TSC2: variants seen among roughly 807,000 people sequenced by gnomAD.
The protein encoded by TSC2 is tuberin.
In TSC2, 29 loss-of-function variants were observed where a neutral mutation model predicts 202.2. That is an observed-to-expected ratio of 0.14 (90% CI 0.11 to 0.20). TSC2 has a LOEUF of 0.20. TSC2 is among the 10% of genes least tolerant of loss of function. TSC2 has a pLI of 1.00. For missense variants in TSC2, 2,429 were observed against 2,420.0 expected, an observed-to-expected ratio of 1.00 and a Z score of -0.08; for synonymous variants, 1,349 against 1,044.0, an observed-to-expected ratio of 1.29 and a Z score of -5.63.
chr16:2,079,083 C>T lies in TSC2; in HGVS notation c.3018C>T (p.Asn1006=), dbSNP rs45471697. 43 of 1,612,908 alleles carry T rather than the reference C, an allele frequency of 2.7e-5. No individual in the cohort carries two copies. Among genetic ancestry groups the T allele is most frequent in the Non-Finnish European group, 3.5e-5 (41 of 1,180,038 alleles). ...TSASLGSADE[N]SVAQADDSLK... is the part of the protein sequence containing the mutation. ...CCAGCTTGGGGTCTGCAGATGAGAA[C>T]TCCGTGGCCCAGGCTGACGATAGCC... is the stretch of plus-strand genomic sequence containing the variant. The change falls in exon 27 of 42, where the codon AAC becomes AAT. Residue 1006 remains asparagine, a synonymous_variant. Transcript: ENST00000219476. The surrounding 1 kb of genome is among the most constrained non-coding windows in gnomAD (Gnocchi z 4.6).
At chr16:2,061,303 G>A (rs1022166729) in intron 11 of TSC2, 3 of 288,802 alleles carry the variant, frequency 1.0e-5, no homozygotes, top group Middle Eastern at 1.2e-3. Context: ...TGGAGCCTGG[G>A]GCGGGTGATG....
At chr16:2,057,603 G>C (rs2086035559) in intron 9 of TSC2, among the ~76,000 whole-genome samples, 1 of 152,056 alleles carries the variant, frequency 6.6e-6, no homozygotes, top group East Asian at 1.9e-4. Flanking sequence ...TCCCCCTCCT[G>C]CTCTCCTGTA....
intron 3 of TSC2, among the ~76,000 whole-genome samples, chr16:2,052,457 G>T (rs1408258095): frequency 6.6e-6 from 1 of 152,112 alleles, no homozygotes; most frequent in African/African-American, 2.4e-5. Context: ...CTACAGGCAT[G>T]CAGCACCACG....
intron 9 of TSC2, among the ~76,000 whole-genome samples, chr16:2,057,719 G>A (rs1217199635): frequency 3.3e-5 from 5 of 152,228 alleles, no homozygotes; most frequent in South Asian, 2.1e-4. Flanking sequence ...GGTTCCCAGC[G>A]CCCTTGGGAT....
At chr16:2,065,064 A>C (rs1018684810) in intron 15 of TSC2, 24 of 187,440 alleles carry the variant, frequency 1.3e-4, no homozygotes, top group Non-Finnish European at 2.5e-4. Flanking sequence ...CAGTGAGCCA[A>C]GATTCTGCCA....
chr16:2,074,466 C>G, intron 22 of TSC2, 77 bp downstream of exon 22: 6 of 1,552,332 alleles, frequency 3.9e-6, no homozygotes, highest in Non-Finnish European at 5.2e-6. Flanking sequence ...CTGGTGCCCT[C>G]TCTCAGGACT....
chr16:2,079,447 C>T lies in TSC2; in HGVS notation c.3284+19C>T, dbSNP rs1391837432. On this transcript the variant is annotated intron_variant, in intron 28 of 41. Coordinates refer to ENST00000219476, the MANE Select transcript of TSC2 (RefSeq NM_000548.5). This position sits in a 1 kb window ranked among gnomAD's most constrained non-coding sequence, Gnocchi z 4.6. ...AGTCGAGGTGACTGCACCTTCCTTT[C>T]CTCCGCGCCTGCCAGCCTCGACACC... The T allele has an allele frequency of 1.4e-5, 22 of 1,610,104 alleles. No individual in the cohort carries two copies. The highest frequency in any genetic ancestry group is 4.5e-5 in the East Asian group (2 of 44,762).
chr16:2,050,489 A>G lies in TSC2; in HGVS notation c.225+3A>G, dbSNP rs1060500963. On this transcript the variant is annotated splice_donor_region_variant and intron_variant, in intron 3 of 41. Coordinates refer to ENST00000219476, the MANE Select transcript of TSC2 (RefSeq NM_000548.5). ...CAAAAACCAAGAAATTTGAAGAGGT[A>G]GGTTTATCCAGTTGAGCTACTAGAG... 6.2e-7 allele frequency: 1 copy of G among 1,611,346 alleles called. No individual in the cohort carries two copies. The highest frequency in any genetic ancestry group is 8.5e-7 in the Non-Finnish European group (1 of 1,178,328).
At chr16:2,085,602 T>G (rs751147160) in intron 36 of TSC2, among the ~76,000 whole-genome samples, 5 of 152,074 alleles carry the variant, frequency 3.3e-5, no homozygotes, top group Admixed American at 3.3e-4. Flanking sequence ...TGTTGGTCAG[T>G]GAGCTGACAG....
chr16:2,051,442 A>C (rs142132139), intron 3 of TSC2, among the ~76,000 whole-genome samples: 2 of 152,168 alleles, frequency 1.3e-5, no homozygotes, highest in Non-Finnish European at 2.9e-5. Context: ...GAACAATCCT[A>C]GGCACGCTGG....
At chr16:2,078,762 G>C in intron 26 of TSC2, 2 of 534,044 alleles carry the variant, frequency 3.7e-6, no homozygotes, top group Admixed American at 6.3e-5. Context: ...GTGCTCCCGT[G>C]GGCTTCGGTG....
rs2151357001 is a variant in TSC2, at chr16:2,074,397, C to T, written c.2545+8C>T. 1 of 1,608,918 alleles carries T rather than the reference C, an allele frequency of 6.2e-7. No individual in the cohort carries two copies. The highest frequency in any genetic ancestry group is 8.5e-7 in the Non-Finnish European group (1 of 1,180,000). On this transcript the variant is annotated splice_region_variant and intron_variant, in intron 22 of 41. Transcript: ENST00000219476. ...TGCTGGAGTTCCTGTCCAGTGAGTC[C>T]CCGCCCTGCCTGCGCATGCACCCGA...
In TSC2 at chr16:2,087,867, A is replaced by G. The variant is rs747018176; in HGVS notation, c.4994A>G (p.Gln1665Arg). 1 of 1,612,768 alleles carries G rather than the reference A, an allele frequency of 6.2e-7. No individual in the cohort carries two copies. Among genetic ancestry groups the G allele is most frequent in the Non-Finnish European group, 8.5e-7 (1 of 1,179,972 alleles). Residue 1665 changes from glutamine (Q) to arginine (R), a missense_variant, in exon 39 of 42, where the codon CAG becomes CGG. Gln to Arg is a conservative substitution (Grantham distance 43). Coordinates refer to ENST00000219476, the MANE Select transcript of TSC2 (RefSeq NM_000548.5). ...EDFKLGTIKG[Q>R]FNFVHVIVTP... ...CCCTTTCTCTTGTCCGGGCAGGGCC[A>G]GTTCAACTTTGTCCACGTGATCGTC...
At chr16:2,062,942 C>T (rs2151169729) in intron 13 of TSC2, 30 bp from the exon 14 acceptor site, 2 of 1,546,404 alleles carry the variant, frequency 1.3e-6, no homozygotes, top group Non-Finnish European at 1.7e-6. Flanking sequence ...GGGCACTCCC[C>T]ACCCGCCCCA....
In TSC2 at chr16:2,058,882, G is replaced by A. The variant is rs2151110428; in HGVS notation, c.975+9G>A. Reference sequence around the variant, plus strand: ...TGCCATCATTTTACCAGGTAAGGCGGTTTCTGTGTGCAGTGAGCTGGCAGG... The same window carrying A: ...TGCCATCATTTTACCAGGTAAGGCGATTTCTGTGTGCAGTGAGCTGGCAGG... On this transcript the variant is annotated intron_variant, in intron 10 of 41. Transcript: ENST00000219476. 2 of 1,606,054 alleles carry A rather than the reference G, an allele frequency of 1.2e-6. No homozygotes were observed. The highest frequency in any genetic ancestry group is 1.3e-5 in the African/African-American group (1 of 75,004).
chr16:2,066,886 T>A (rs2087456274), intron 16 of TSC2, among the ~76,000 whole-genome samples: 1 of 152,074 alleles, frequency 6.6e-6, no homozygotes, highest in Non-Finnish European at 1.5e-5. Context: ...GGTCTTGAAC[T>A]CCTGACCTCA....
chr16:2,069,455 T>C (rs1025250389), intron 16 of TSC2, among the ~76,000 whole-genome samples: 1 of 151,930 alleles, frequency 6.6e-6, no homozygotes, highest in African/African-American at 2.4e-5. Context: ...TAGCTGGGAT[T>C]TACAGGCATG....
chr16:2,077,764 G>A (rs761778701), intron 26 of TSC2, 38 bp downstream of exon 26: 16 of 1,608,208 alleles, frequency 9.9e-6, no homozygotes, highest in South Asian at 5.5e-5. Context: ...GGACCCTGGA[G>A]CTTGGCCCCG....
chr16:2,082,279 C>T (rs2090234908), intron 31 of TSC2, 157 bp from the exon 32 acceptor site: 1 of 814,298 alleles, frequency 1.2e-6, no homozygotes, highest in Admixed American at 1.8e-5. Context: ...TCAGGTCTGC[C>T]CAAGCAGCTT....
Sources: allele counts gnomAD v4.1 joint callset (sites outside exome capture counted in the v4.1 genomes callset), GRCh38; gene constraint gnomAD v4.1.1; non-coding constraint Gnocchi (gnomAD v3.1); transcripts MANE v1.5; gene names NCBI Gene and HGNC (gene_info 2026-07-23, HGNC 2026-07-21).